The following DNAI4 variants were observed in gnomAD, a reference collection of about 807,000 sequenced individuals.
DNAI4 encodes the protein WD repeat domain 78.
Under a neutral mutation model 105.8 loss-of-function variants are expected in DNAI4, and 85 were observed. The ratio of observed to expected loss-of-function variants is 0.80; its 90% confidence interval spans 0.67 to 0.96. The LOEUF is 0.96. Ranked by LOEUF, DNAI4 falls within the 40% of genes least tolerant of loss-of-function variation. The probability of loss-of-function intolerance (pLI) is 0.00; values close to 1 mark genes in which losing one functional copy is unlikely to be tolerated. For missense variants in DNAI4, 1,014 were observed against 1,005.6 expected (o/e 1.01, Z -0.11); for synonymous variants, 352 against 331.5 (o/e 1.06, Z -0.67).
intron 7 of DNAI4, among the ~76,000 whole-genome samples, chr1:66,854,070 A>G (rs1402056919): frequency 3.9e-5 from 6 of 152,208 alleles, no homozygotes; most frequent in African/African-American, 1.4e-4. Context: ...TCTAAATACT[A>G]CCAATAAACA....
intron 7 of DNAI4, among the ~76,000 whole-genome samples, chr1:66,854,481 A>G (rs764974299): frequency 8.5e-5 from 13 of 152,310 alleles, no homozygotes; most frequent in Middle Eastern, 3.4e-3. Flanking sequence ...TGAATGCTGA[A>G]AACTACAAAA....
At chr1:66,823,727 A>G in intron 15 of DNAI4, among the ~76,000 whole-genome samples, 1 of 146,466 alleles carries the variant, frequency 6.8e-6, no homozygotes, top group East Asian at 2.0e-4. Flanking sequence ...GTGTCTGTTC[A>G]TGTCCTTCGC....
intron 4 of DNAI4, among the ~76,000 whole-genome samples, chr1:66,878,839 A>G (rs1647010339): frequency 6.6e-6 from 1 of 152,146 alleles, no homozygotes; most frequent in Non-Finnish European, 1.5e-5. Flanking sequence ...AAGTGACTAT[A>G]AACTAGAGTG....
intron 9 of DNAI4, among the ~76,000 whole-genome samples, chr1:66,839,685 A>G (rs1646106479): frequency 1.3e-5 from 2 of 152,184 alleles, no homozygotes; most frequent in Admixed American, 1.3e-4. Context: ...TAGTCTAATT[A>G]CTCTATAATT....
At chr1:66,893,109 G>GAAAGAAAGAA (rs1553227737) in intron 3 of DNAI4, 120 bp downstream of exon 3, 2 of 487,218 alleles carry the variant, frequency 4.1e-6, no homozygotes, top group Non-Finnish European at 6.8e-6. Context: ...AAGAAAGAAA[G>GAAAGAAAGAA]AAAGAAAGAA....
In DNAI4 at chr1:66,893,290, T is replaced by C. The variant is rs775288935; in HGVS notation, c.469A>G (p.Ile157Val). Residue 157 changes from isoleucine to valine, a missense_variant, in exon 3 of 17, where the codon ATA becomes GTA. Transcript: ENST00000371026. ...SQEGSLGSEF[I>V]SSYSLYQNTI... The stretch of plus-strand genomic sequence containing the variant: ...TTCTGATAAAGGCTATAGGAAGATA[T>C]AAATTCTGATCCAAGTGATCCTTCT... 15 of 1,610,526 alleles carry C rather than the reference T, an allele frequency of 9.3e-6. No homozygotes were observed. The Admixed American group carries it at 1.2e-4, about 13-fold the overall frequency.
intron 1 of DNAI4, among the ~76,000 whole-genome samples, chr1:66,912,752 A>AT (rs1177568757): frequency 6.6e-6 from 1 of 152,184 alleles, no homozygotes; most frequent in African/African-American, 2.4e-5. Context: ...CCTGTCTCAA[A>AT]TTTTTGGGGT....
intron 16 of DNAI4, among the ~76,000 whole-genome samples, chr1:66,820,311 G>T (rs1645599015): frequency 6.6e-6 from 1 of 152,016 alleles, no homozygotes; most frequent in South Asian, 2.1e-4. Context: ...ATTTATCCAT[G>T]ACTCCACCAC....
intron 4 of DNAI4, among the ~76,000 whole-genome samples, chr1:66,881,913 T>G (rs1299938458): frequency 6.6e-6 from 1 of 152,168 alleles, no homozygotes; most frequent in Non-Finnish European, 1.5e-5. Context: ...ATGGGAGCAG[T>G]TCTTTCCTGT....
intron 10 of DNAI4, among the ~76,000 whole-genome samples, chr1:66,836,282 AAGAAAGAAAG>A (rs1386847485): frequency 1.9e-4 from 28 of 148,238 alleles, no homozygotes; most frequent in Non-Finnish European, 3.1e-4. Flanking sequence ...GAAAGAAAGA[AAGAAAGAAAG>A]AAAGAAAGAA....
intron 4 of DNAI4, among the ~76,000 whole-genome samples, chr1:66,883,130 CCTGCAGTGTTGCAG>C (rs1212730692): frequency 5.7e-4 from 85 of 149,274 alleles, no homozygotes; most frequent in African/African-American, 2.0e-3. Context: ...GACCTTGTAT[CCTGCAGTGTTGCAG>C]GATACATGCC....
intron 9 of DNAI4, among the ~76,000 whole-genome samples, chr1:66,839,204 G>C (rs774702753): frequency 6.6e-6 from 1 of 151,994 alleles, no homozygotes; most frequent in Non-Finnish European, 1.5e-5. Flanking sequence ...GGCCAAGGCG[G>C]GAGGATCACT....
Position 66,834,132 on chromosome 1 carries a change from G to T in DNAI4, c.1750C>A (p.His584Asn). ...TGTAGTTGCCATACAGGTCCCAAAT[G>T]TTTTTGAGGTGATTCACTAAAACAG... ...VLDSSESPQK[H>N]LGPVWQLQWI... is the part of the protein sequence containing the mutation. The change falls in exon 12 of 17, where the codon CAT becomes AAT. Residue 584 changes from histidine (H) to asparagine (N), a missense_variant. Physicochemically the swap from His to Asn is moderately conservative, Grantham distance 68. Coordinates refer to ENST00000371026, the MANE Select transcript of DNAI4 (RefSeq NM_024763.5). The T allele has an allele frequency of 6.2e-7, 1 of 1,601,738 alleles. No homozygotes were observed. Among genetic ancestry groups the T allele is most frequent in the Non-Finnish European group, 8.5e-7 (1 of 1,176,522 alleles).
At chr1:66,858,587 C>A (rs566065953) in intron 7 of DNAI4, among the ~76,000 whole-genome samples, 25 of 147,260 alleles carry the variant, frequency 1.7e-4, no homozygotes, top group African/African-American at 6.0e-4. Flanking sequence ...CAAATAGAAT[C>A]CACCAATGTA....
chr1:66,905,347 T>C lies in DNAI4; in HGVS notation c.199A>G (p.Ile67Val), dbSNP rs776003173. Reference sequence around the variant, plus strand: ...GCTTTCATTGTAGCAAAAAAGCTAATAGACTTCTTTGGTTGTGTGGCATTG... The same window carrying C: ...GCTTTCATTGTAGCAAAAAAGCTAACAGACTTCTTTGGTTGTGTGGCATTG... ...LNNATQPKKS[I>V]SFFATMKATS... is the part of the protein sequence containing the mutation. Residue 67 changes from isoleucine to valine, a missense_variant, in exon 2 of 17, where the codon ATT (isoleucine) becomes GTT (valine). Physicochemically the swap from Ile to Val is conservative, Grantham distance 29 (BLOSUM62 3). Coordinates refer to ENST00000371026, the MANE Select transcript of DNAI4 (RefSeq NM_024763.5). 44 of 1,509,196 alleles carry C rather than the reference T, an allele frequency of 2.9e-5. 1 individual carries two copies. The Admixed American group carries it at 7.8e-4, about 27-fold the overall frequency. 93.5% of individuals were successfully genotyped at this position (1,509,196 alleles called of 1,614,324 possible).
rs893216239 is a variant in DNAI4 at position 66,891,258 on chromosome 1, A to G, written c.539T>C (p.Leu180Ser). 4.3e-6 allele frequency: 7 copies of G among 1,611,772 alleles called. No homozygotes were observed. In the Admixed American group the frequency reaches 5.0e-5, roughly 12 times the overall value. ...STLGQFTRSVLGSSTVSKSSV... is the reference protein window; with the variant it reads ...STLGQFTRSVSGSSTVSKSSV... ...TGACTTAGAAACTGTACTGCTTCCT[A>G]AAACTGACCTTTAATAATGAATAAC... The change falls in exon 4 of 17, where the codon TTA becomes TCA. Residue 180 changes from leucine (L) to serine (S), a missense_variant. Physicochemically the swap from Leu to Ser is moderately radical, Grantham distance 145. Transcript: ENST00000371026.
intron 4 of DNAI4, among the ~76,000 whole-genome samples, chr1:66,882,993 C>T (rs1647109153): frequency 6.6e-6 from 1 of 151,432 alleles, no homozygotes; most frequent in Non-Finnish European, 1.5e-5. Context: ...TGTATAGATT[C>T]TGTAAATATT....
At chr1:66,903,135 T>A (rs143525716) in intron 2 of DNAI4, among the ~76,000 whole-genome samples, 3 of 152,220 alleles carry the variant, frequency 2.0e-5, no homozygotes, top group African/African-American at 4.8e-5. Context: ...TTAGGTAGTA[T>A]TGACAACCTA....
chr1:66,866,471 T>A (rs1441584682), intron 6 of DNAI4, among the ~76,000 whole-genome samples: 3 of 152,224 alleles, frequency 2.0e-5, no homozygotes, highest in Non-Finnish European at 4.4e-5. Flanking sequence ...CAAGTTTTAA[T>A]GTAAATAGGT....
Sources: gnomAD v4.1 joint callset for allele counts (sites outside exome capture counted in the v4.1 genomes callset) on GRCh38, gnomAD v4.1.1 for gene constraint, MANE v1.5 for transcripts, NCBI Gene and HGNC (gene_info 2026-07-23, HGNC 2026-07-21) for gene names.